The following CFAP96 variants were observed in gnomAD, a reference collection of about 807,000 sequenced individuals.
The protein encoded by CFAP96 is cilia and flagella associated protein 96, also known as cilia-and flagella-associated protein 96.
the CFAP96 span, among the ~76,000 whole-genome samples, chr4:185,424,442 C>A: frequency 6.6e-6 from 1 of 152,196 alleles, no homozygotes; most frequent in Non-Finnish European, 1.5e-5. Flanking sequence ...TGTCACATTT[C>A]TATAAGGGTC....
At chr4:185,418,056 A>ACACACACACACACACACG in the CFAP96 span, among the ~76,000 whole-genome samples, 1 of 150,304 alleles carries the variant, frequency 6.7e-6, no homozygotes, top group Non-Finnish European at 1.5e-5. Context: ...AAACACACAC[A>ACACACACACACACACACG]CACACACACA....
At chr4:185,430,441 A>G in the CFAP96 span, among the ~76,000 whole-genome samples, 2 of 152,232 alleles carry the variant, frequency 1.3e-5, no homozygotes, top group Non-Finnish European at 2.9e-5. Flanking sequence ...ATGAAAAAGG[A>G]TATCTATGAA....
chr4:185,445,069 C>T, the CFAP96 span: 1 of 1,551,596 alleles, frequency 6.4e-7, no homozygotes. Context: ...TAAGATTTTC[C>T]ACCCACCAAG....
the CFAP96 span, among the ~76,000 whole-genome samples, chr4:185,446,448 A>T: frequency 6.6e-6 from 1 of 152,126 alleles, no homozygotes; most frequent in Admixed American, 6.6e-5. Flanking sequence ...TGGTCCCTGG[A>T]TACCTAACAA....
chr4:185,408,434 A>C, the CFAP96 span: 3 of 1,613,118 alleles, frequency 1.9e-6, no homozygotes, highest in Non-Finnish European at 2.5e-6. Context: ...GACCACATAA[A>C]TCTATATACA....
chr4:185,412,209 A>G, the CFAP96 span, among the ~76,000 whole-genome samples: 1 of 152,358 alleles, frequency 6.6e-6, no homozygotes, highest in East Asian at 1.9e-4. Flanking sequence ...ACCTTGTAAT[A>G]CAGATATAAT....
chr4:185,439,969 G>GATATATATCATATATATGAGATA, the CFAP96 span, among the ~76,000 whole-genome samples: 1 of 141,222 alleles, frequency 7.1e-6, no homozygotes, highest in Admixed American at 7.4e-5. Flanking sequence ...ATACATATAT[G>GATATATATCATATATATGAGATA]TATATGTGTA....
At chr4:185,418,847 T>A in the CFAP96 span, 2 of 1,158,890 alleles carry the variant, frequency 1.7e-6, no homozygotes, top group Non-Finnish European at 2.3e-6. Flanking sequence ...TACACAAAAG[T>A]AGAGCATAGT....
the CFAP96 span, among the ~76,000 whole-genome samples, chr4:185,434,115 A>G: frequency 2.0e-5 from 3 of 152,114 alleles, no homozygotes; most frequent in Non-Finnish European, 4.4e-5. Flanking sequence ...GCTACTCGGG[A>G]GGCGGAGGTT....
the CFAP96 span, among the ~76,000 whole-genome samples, chr4:185,447,654 A>T: frequency 6.8e-6 from 1 of 147,594 alleles, no homozygotes; most frequent in Non-Finnish European, 1.5e-5. Flanking sequence ...TAAGCCATGT[A>T]TGCATCTCAT....
chr4:185,421,307 AG>A, the CFAP96 span, among the ~76,000 whole-genome samples: 1 of 152,194 alleles, frequency 6.6e-6, no homozygotes, highest in Admixed American at 6.5e-5. Context: ...ATCTCCTTCA[AG>A]GAATGCTGGT....
At chr4:185,409,898 C>A in the CFAP96 span, among the ~76,000 whole-genome samples, 4 of 151,912 alleles carry the variant, frequency 2.6e-5, no homozygotes. Context: ...ATGCTGGCAG[C>A]CATCAGATTA....
chr4:185,430,110 TC>T, the CFAP96 span, among the ~76,000 whole-genome samples: 2 of 152,194 alleles, frequency 1.3e-5, no homozygotes, highest in Non-Finnish European at 2.9e-5. Context: ...GATGGGACAC[TC>T]CCCTATGCAA....
chr4:185,433,226 C>G, the CFAP96 span, among the ~76,000 whole-genome samples: 1 of 151,462 alleles, frequency 6.6e-6, no homozygotes, highest in Admixed American at 6.6e-5. Context: ...AAACCCCATC[C>G]CTACTAAAAA....
the CFAP96 span, among the ~76,000 whole-genome samples, chr4:185,442,289 CAT>C: frequency 3.3e-5 from 5 of 152,108 alleles, no homozygotes; most frequent in Admixed American, 1.3e-4. Context: ...GATATATTAA[CAT>C]ATTTATAATT....
At chr4:185,437,418 CAACTT>C in the CFAP96 span, among the ~76,000 whole-genome samples, 1 of 152,178 alleles carries the variant, frequency 6.6e-6, no homozygotes, top group Non-Finnish European at 1.5e-5. Flanking sequence ...AATGAAAAGT[CAACTT>C]AATTTGGACA....
At chr4:185,428,583 CAAAAA>C in the CFAP96 span, among the ~76,000 whole-genome samples, 6 of 148,654 alleles carry the variant, frequency 4.0e-5, no homozygotes, top group East Asian at 2.0e-4. Context: ...ACAACAACAA[CAAAAA>C]AAAAAGAGAC....
chr4:185,436,562 T>C, the CFAP96 span, among the ~76,000 whole-genome samples: 2 of 151,828 alleles, frequency 1.3e-5, no homozygotes, highest in Non-Finnish European at 2.9e-5. Flanking sequence ...TTACAAAAAT[T>C]AGCCAGGTGT....
the CFAP96 span, among the ~76,000 whole-genome samples, chr4:185,438,178 C>T: frequency 6.6e-6 from 1 of 151,860 alleles, no homozygotes; most frequent in Non-Finnish European, 1.5e-5. Context: ...ATATTTTTAT[C>T]TGTCTTTCTC....
Sources: gnomAD v4.1 joint callset for allele counts (sites outside exome capture counted in the v4.1 genomes callset) on GRCh38, gnomAD v4.1.1 for gene constraint, MANE v1.5 for transcripts, NCBI Gene and HGNC (gene_info 2026-07-23, HGNC 2026-07-21) for gene names.